TAFA2: variants seen among roughly 807,000 people sequenced by gnomAD.
TAFA2 encodes TAFA chemokine like family member 2.
In TAFA2, 7 loss-of-function variants were observed where a neutral mutation model predicts 18.8. That is an observed-to-expected ratio of 0.37 (90% CI 0.21 to 0.70). TAFA2 has a LOEUF of 0.70. Ranked by LOEUF, TAFA2 falls within the 30% of genes least tolerant of loss-of-function variation. The pLI, the probability that TAFA2 is intolerant of heterozygous loss-of-function variation, is 0.53. For missense variants in TAFA2, 122 were observed against 158.1 expected, an observed-to-expected ratio of 0.77 and a Z score of 1.23; for synonymous variants, 60 against 54.2, an observed-to-expected ratio of 1.11 and a Z score of -0.47.
At chr12:62,104,129 T>G (rs921385243) in intron 1 of TAFA2, among the ~76,000 whole-genome samples, 1 of 152,180 alleles carries the variant, frequency 6.6e-6, no homozygotes, top group Non-Finnish European at 1.5e-5. Flanking sequence ...GTGATAATTT[T>G]AATAGAATAA....
rs148040241 is a variant in TAFA2, at chr12:61,768,301, T to A, written c.107-13277A>T. On this transcript the variant is annotated intron_variant, in intron 2 of 4. Transcript: ENST00000416284. ...AAAAGACACTGTCAGTCAAAAAAAA[T>A]GGTGAAAAGTAGGTAGAACTAATAG... 1.1e-4 allele frequency among the ~76,000 whole-genome samples: 16 copies of A among 152,042 alleles called. No homozygotes were observed. The East Asian group carries it at 3.1e-3, about 30-fold the overall frequency.
intron 1 of TAFA2, among the ~76,000 whole-genome samples, chr12:61,985,491 T>A (rs1034048808): frequency 4.6e-5 from 7 of 152,314 alleles, no homozygotes; most frequent in African/African-American, 1.7e-4. Context: ...GAGTAATTTT[T>A]CAAGTCTCAG....
intron 2 of TAFA2, among the ~76,000 whole-genome samples, chr12:61,850,650 T>C (rs1320265479): frequency 6.6e-6 from 1 of 152,084 alleles, no homozygotes; most frequent in East Asian, 1.9e-4. Flanking sequence ...GGTAGACTGG[T>C]TTGGCTTTGA....
At chr12:62,183,028 G>A (rs74234912) in intron 1 of TAFA2, among the ~76,000 whole-genome samples, 1 of 152,168 alleles carries the variant, frequency 6.6e-6, no homozygotes, top group African/African-American at 2.4e-5. Flanking sequence ...CACCTAGAGA[G>A]TGCTTTCTAT....
chr12:61,851,812 A>AAAAAAAC (rs1350735317), intron 2 of TAFA2, among the ~76,000 whole-genome samples: 3 of 142,870 alleles, frequency 2.1e-5, no homozygotes, highest in South Asian at 2.2e-4. Flanking sequence ...AAAAAAAAAA[A>AAAAAAAC]AAAAAACATG....
intron 1 of TAFA2, among the ~76,000 whole-genome samples, chr12:61,916,211 T>C (rs1876814809): frequency 6.6e-6 from 1 of 152,180 alleles, no homozygotes; most frequent in African/African-American, 2.4e-5. Context: ...AGAGAATATA[T>C]GTAATAAGAG....
intron 2 of TAFA2, among the ~76,000 whole-genome samples, chr12:61,778,415 C>T (rs531543000): frequency 1.1e-4 from 17 of 151,806 alleles, no homozygotes; most frequent in Non-Finnish European, 2.4e-4. Flanking sequence ...TCCCTGTGAA[C>T]ATCTACTACT....
At chr12:62,103,604 G>A (rs1030741977) in intron 1 of TAFA2, among the ~76,000 whole-genome samples, 10 of 152,202 alleles carry the variant, frequency 6.6e-5, no homozygotes, top group African/African-American at 2.4e-4. Flanking sequence ...AACCAGGTGT[G>A]ATGGCGTATG....
chr12:61,951,589 T>C (rs759579676), intron 1 of TAFA2, among the ~76,000 whole-genome samples: 4 of 151,988 alleles, frequency 2.6e-5, no homozygotes, highest in African/African-American at 9.7e-5. Context: ...GGCAACTCTA[T>C]GTCTGGAAAA....
intron 4 of TAFA2, among the ~76,000 whole-genome samples, chr12:61,731,496 C>G (rs1021927777): frequency 2.7e-4 from 41 of 151,946 alleles, no homozygotes; most frequent in Non-Finnish European, 5.6e-4. Context: ...TAGACTAGGA[C>G]CAAAAAATTG....
chr12:61,877,819 C>G lies in TAFA2; in HGVS notation c.-1-10393G>C, dbSNP rs192615945. Among the ~76,000 whole-genome samples the G allele has an allele frequency of 5.3e-5, 8 of 151,888 alleles. No homozygotes were observed. The East Asian group carries it at 1.5e-3, about 29-fold the overall frequency. Reference sequence around the variant, plus strand: ...AATGGACATGAGAGTACTCTGTAAACTGTATAGTAGTGTATAAATTAGACT... The same window carrying G: ...AATGGACATGAGAGTACTCTGTAAAGTGTATAGTAGTGTATAAATTAGACT... On this transcript the variant is annotated intron_variant, in intron 1 of 4. Coordinates refer to ENST00000416284, the MANE Select transcript of TAFA2 (RefSeq NM_178539.5).
intron 2 of TAFA2, among the ~76,000 whole-genome samples, chr12:61,793,022 G>A (rs1056181478): frequency 2.0e-5 from 3 of 151,486 alleles, no homozygotes; most frequent in Admixed American, 1.3e-4. Context: ...TAAATTACTC[G>A]AGTGAAATAC....
intron 1 of TAFA2, among the ~76,000 whole-genome samples, chr12:62,001,737 C>G (rs1046958794): frequency 6.6e-6 from 1 of 152,040 alleles, no homozygotes; most frequent in African/African-American, 2.4e-5. Flanking sequence ...AGACAGATGC[C>G]CATCTGTGGC....
chr12:62,221,525 C>G (rs540798233), intron 1 of TAFA2, among the ~76,000 whole-genome samples: 1 of 152,128 alleles, frequency 6.6e-6, no homozygotes, highest in African/African-American at 2.4e-5. Context: ...ATCAATGACT[C>G]AGGATAGATA....
chr12:62,228,658 G>A (rs542073869), intron 1 of TAFA2, among the ~76,000 whole-genome samples: 2 of 152,140 alleles, frequency 1.3e-5, no homozygotes, highest in African/African-American at 4.8e-5. Context: ...CTCAGGTAGT[G>A]TGATATCTCC....
At chr12:62,211,888 T>C (rs1296308127) in intron 1 of TAFA2, among the ~76,000 whole-genome samples, 1 of 152,206 alleles carries the variant, frequency 6.6e-6, no homozygotes, top group Non-Finnish European at 1.5e-5. Flanking sequence ...TTCCTGAAAG[T>C]TCTTTCTCTT....
chr12:61,986,427 G>C (rs1477326116), intron 1 of TAFA2, among the ~76,000 whole-genome samples: 1 of 150,294 alleles, frequency 6.7e-6, no homozygotes, highest in Non-Finnish European at 1.5e-5. Flanking sequence ...GCCTCCCAAA[G>C]TGCTGGTATT....
intron 1 of TAFA2, among the ~76,000 whole-genome samples, chr12:62,165,239 G>A (rs759160897): frequency 2.0e-5 from 3 of 151,898 alleles, no homozygotes; most frequent in Non-Finnish European, 2.9e-5. Flanking sequence ...AGCAACCATT[G>A]CTTACACTGC....
At chr12:61,879,714 T>C in intron 1 of TAFA2, 2 of 1,136,206 alleles carry the variant, frequency 1.8e-6, no homozygotes, top group Non-Finnish European at 2.6e-6. Context: ...CAGCAGAAGA[T>C]GGCTCAGAGC....
Sources: gnomAD v4.1 joint callset for allele counts (sites outside exome capture counted in the v4.1 genomes callset) on GRCh38, gnomAD v4.1.1 for gene constraint, MANE v1.5 for transcripts, NCBI Gene and HGNC (gene_info 2026-07-23, HGNC 2026-07-21) for gene names.